KLHL2: variants seen among roughly 807,000 people sequenced by gnomAD.
KLHL2 encodes the protein kelch like family member 2.
A neutral mutation model predicts 75.8 loss-of-function variants in KLHL2; 15 were observed. That is an observed-to-expected ratio of 0.20 (90% CI 0.13 to 0.30). The LOEUF is 0.30. Among genes scored for constraint, KLHL2 ranks in the 10% least tolerant of loss-of-function variants. KLHL2 has a pLI of 1.00. For synonymous variants in KLHL2, 214 were observed against 251.9 expected (o/e 0.85, Z 1.42); for missense variants, 381 against 741.0 (o/e 0.51, Z 5.64).
chr4:165,266,120 T>C (rs1362971696), intron 5 of KLHL2, among the ~76,000 whole-genome samples: 3 of 152,222 alleles, frequency 2.0e-5, no homozygotes, highest in Non-Finnish European at 4.4e-5. Flanking sequence ...AATGTCTTCT[T>C]TTGAGAAGTG....
Position 165,297,500 on chromosome 4 carries a change from C to G in KLHL2, c.655-109C>G. The G allele has an allele frequency of 5.9e-6, 4 of 675,634 alleles. No homozygotes were observed. The South Asian group carries it at 6.8e-5, about 11-fold the overall frequency. The allele number at this position is 675,634 out of a possible 1,614,324, so 41.9% of individuals were successfully genotyped here. A position where few individuals can be genotyped will look rare whatever the true frequency, so the allele number is the denominator to read the frequency against. The stretch of plus-strand genomic sequence containing the variant: ...GAAAACACTTGAGCTGTGAATTAAA[C>G]TTGGATGTCTTAGCAAGAGTTATAT... On this transcript the variant is annotated intron_variant, in intron 6 of 14. Coordinates refer to ENST00000226725, the MANE Select transcript of KLHL2 (RefSeq NM_007246.4).
chr4:165,295,380 T>C (rs372984037), intron 6 of KLHL2, among the ~76,000 whole-genome samples: 4 of 152,328 alleles, frequency 2.6e-5, no homozygotes, highest in Admixed American at 6.5e-5. Flanking sequence ...TTGTGACATA[T>C]ATAATCTTAG....
chr4:165,298,917 G>A (rs976307121), intron 7 of KLHL2, among the ~76,000 whole-genome samples: 1 of 150,998 alleles, frequency 6.6e-6, no homozygotes, highest in Non-Finnish European at 1.5e-5. Flanking sequence ...GCAACAGAGT[G>A]AGACTCTGTT....
intron 4 of KLHL2, among the ~76,000 whole-genome samples, chr4:165,242,500 A>AT (rs1337160392): frequency 6.6e-6 from 1 of 151,918 alleles, no homozygotes; most frequent in Admixed American, 6.6e-5. Flanking sequence ...AAATTTTTAA[A>AT]TTTTTTTATT....
At chr4:165,318,517 G>A (rs1746742670) in intron 14 of KLHL2, among the ~76,000 whole-genome samples, 1 of 152,026 alleles carries the variant, frequency 6.6e-6, no homozygotes, top group Non-Finnish European at 1.5e-5. Flanking sequence ...ATAGTATAAT[G>A]TTTCTGTAAC....
chr4:165,319,778 C>T lies in KLHL2; in HGVS notation c.1753+1809C>T, dbSNP rs1334180002. 1.3e-5 allele frequency among the ~76,000 whole-genome samples: 2 copies of T among 152,098 alleles called. No homozygotes were observed. Among genetic ancestry groups the T allele is most frequent in the African/African-American group, 4.8e-5 (2 of 41,402 alleles). On this transcript the variant is annotated intron_variant, in intron 14 of 14. Transcript: ENST00000226725. The surrounding 1 kb of genome is among the most constrained non-coding windows in gnomAD (Gnocchi z 4.5). ...CTGGGATTACAGGGATGTGCCACCA[C>T]ACCTGGCTAATTTTTAAATTTTTAT...
chr4:165,305,827 T>G (rs1394857496), intron 9 of KLHL2, 102 bp downstream of exon 9: 3 of 839,796 alleles, frequency 3.6e-6, no homozygotes, highest in Non-Finnish European at 5.9e-6. Context: ...TCAAAAAAGC[T>G]TTGAGTAAAA....
At chr4:165,266,413 G>A (rs1742248386) in intron 5 of KLHL2, among the ~76,000 whole-genome samples, 1 of 152,124 alleles carries the variant, frequency 6.6e-6, no homozygotes, top group Admixed American at 6.6e-5. Flanking sequence ...TGTCCTGAAT[G>A]GTATTGCCTA....
At chr4:165,221,109 T>A (rs1196619651) in intron 2 of KLHL2, among the ~76,000 whole-genome samples, 1 of 152,228 alleles carries the variant, frequency 6.6e-6, no homozygotes, top group Non-Finnish European at 1.5e-5. Flanking sequence ...TCTTCTTTAA[T>A]TAAATTAGGG....
chr4:165,245,101 G>A (rs1478592489), intron 4 of KLHL2, among the ~76,000 whole-genome samples: 8 of 152,134 alleles, frequency 5.3e-5, no homozygotes, highest in Admixed American at 2.0e-4. Flanking sequence ...CCAGCTACTC[G>A]TGAGGCTGAA....
chr4:165,305,652 T>A lies in KLHL2; in HGVS notation c.966T>A (p.Ser322Arg). ...VGGQAPKAIRSVECYDFKEER... is the reference protein window; with the variant it reads ...VGGQAPKAIRRVECYDFKEER... ...GCCAAGCACCAAAGGCTATCCGGAGTGTGGAATGCTATGACTTTAAAGAAG... is the reference window on the plus strand; with the variant it reads ...GCCAAGCACCAAAGGCTATCCGGAGAGTGGAATGCTATGACTTTAAAGAAG... The change falls in exon 9 of 15, where the codon AGT becomes AGA. Residue 322 changes from serine (S) to arginine (R), a missense_variant. Ser to Arg is a moderately radical substitution (Grantham distance 110). Around this residue, in one of 5 missense-constraint regions of KLHL2, gnomAD observed 168 missense variants for 370.4 expected, o/e 0.45. Transcript: ENST00000226725. The A allele has an allele frequency of 1.2e-6, 2 of 1,613,856 alleles. No individual in the cohort carries two copies. Among genetic ancestry groups the A allele is most frequent in the Non-Finnish European group, 1.7e-6 (2 of 1,179,964 alleles).
At chr4:165,211,792 A>G (rs908822692) in intron 1 of KLHL2, among the ~76,000 whole-genome samples, 2 of 152,212 alleles carry the variant, frequency 1.3e-5, no homozygotes, top group Non-Finnish European at 2.9e-5. Context: ...AATAGGTAGC[A>G]TTTATGTAGT....
intron 5 of KLHL2, chr4:165,279,457 A>G (rs767990946): frequency 1.9e-6 from 3 of 1,599,822 alleles, no homozygotes; most frequent in Non-Finnish European, 2.6e-6. Flanking sequence ...ACTCATAGAC[A>G]GAATGTAGAA....
chr4:165,298,394 T>G (rs1745079649), intron 7 of KLHL2, among the ~76,000 whole-genome samples: 1 of 152,236 alleles, frequency 6.6e-6, no homozygotes, highest in African/African-American at 2.4e-5. Context: ...GATTTCTGTC[T>G]TTATTTCTAA....
chr4:165,265,557 G>A (rs1269865533), intron 5 of KLHL2, among the ~76,000 whole-genome samples: 1 of 151,768 alleles, frequency 6.6e-6, no homozygotes, highest in Non-Finnish European at 1.5e-5. Context: ...TTTATATATG[G>A]TGAGAGATAG....
chr4:165,267,724 T>G (rs1432939471), intron 5 of KLHL2, among the ~76,000 whole-genome samples: 3 of 152,200 alleles, frequency 2.0e-5, no homozygotes, highest in African/African-American at 7.2e-5. Flanking sequence ...CAGTATTTTA[T>G]TGAGGATTTT....
At chr4:165,299,451 A>C in intron 7 of KLHL2, 56 bp from the exon 8 acceptor site, 1 of 1,449,970 alleles carries the variant, frequency 6.9e-7, no homozygotes, top group Non-Finnish European at 9.2e-7. Context: ...TTTCTTTGGC[A>C]ATTTAATTAT....
intron 2 of KLHL2, 132 bp downstream of exon 2, chr4:165,220,191 A>T: frequency 7.1e-7 from 1 of 1,410,174 alleles, no homozygotes; most frequent in South Asian, 1.5e-5. Flanking sequence ...TTTTTCTGCA[A>T]GTTTTTTAAA....
intron 14 of KLHL2, among the ~76,000 whole-genome samples, chr4:165,320,780 A>G (rs544993356): frequency 1.3e-5 from 2 of 152,356 alleles, no homozygotes; most frequent in South Asian, 4.1e-4. Context: ...AGGAGTTATG[A>G]CAGAGCCAGT....
Sources: allele counts gnomAD v4.1 joint callset (sites outside exome capture counted in the v4.1 genomes callset), GRCh38; gene constraint gnomAD v4.1.1; regional missense constraint gnomAD v4.1.1; non-coding constraint Gnocchi (gnomAD v3.1); transcripts MANE v1.5; gene names NCBI Gene and HGNC (gene_info 2026-07-23, HGNC 2026-07-21).